ULK4: variants seen among roughly 807,000 people sequenced by gnomAD.
ULK4 encodes the protein unc-51 like kinase 4.
In ULK4, 133 loss-of-function variants were observed where a neutral mutation model predicts 160.6. The observed-to-expected ratio is 0.83, with a 90% CI of 0.72 to 0.96. ULK4 has a LOEUF of 0.96. ULK4 is among the 40% of genes least tolerant of loss of function. The pLI is 0.00. For missense variants in ULK4, 1,580 were observed against 1,499.5 expected (o/e 1.05, Z -0.89); for synonymous variants, 534 against 539.8 (o/e 0.99, Z 0.15).
chr3:41,441,644 G>A (rs1215114729), intron 34 of ULK4, among the ~76,000 whole-genome samples: 1 of 152,058 alleles, frequency 6.6e-6, no homozygotes, highest in Non-Finnish European at 1.5e-5. Context: ...AATGTTCAGT[G>A]TGCGCTTCCA....
intron 19 of ULK4, among the ~76,000 whole-genome samples, chr3:41,806,851 G>A (rs1043691273): frequency 7.9e-5 from 12 of 152,070 alleles, no homozygotes; most frequent in Admixed American, 3.3e-4. Flanking sequence ...TCTCAGGCCA[G>A]GAAAAAATAT....
intron 17 of ULK4, among the ~76,000 whole-genome samples, chr3:41,837,960 T>C (rs1485181230): frequency 6.6e-6 from 1 of 152,202 alleles, no homozygotes; most frequent in Non-Finnish European, 1.5e-5. Flanking sequence ...ATCATCTAGA[T>C]GAAGTGGGTG....
At chr3:41,906,211 C>T (rs1283296350) in intron 12 of ULK4, among the ~76,000 whole-genome samples, 1 of 11,614 alleles carries the variant, frequency 8.6e-5, no homozygotes, top group East Asian at 0.12. Context: ...AGCGAGACTC[C>T]GTCTCAAAAA....
At chr3:41,846,282 T>C (rs2042067300) in intron 17 of ULK4, among the ~76,000 whole-genome samples, 1 of 152,042 alleles carries the variant, frequency 6.6e-6, no homozygotes, top group South Asian at 2.1e-4. Flanking sequence ...AATATAAGAA[T>C]AAAGAACAAA....
chr3:41,284,362 C>T (rs968388557), intron 35 of ULK4, among the ~76,000 whole-genome samples: 7 of 152,094 alleles, frequency 4.6e-5, no homozygotes, highest in African/African-American at 1.7e-4. Context: ...AGGCCATAGT[C>T]ACCAAAACAG....
chr3:41,883,772 GAA>G (rs934949629), intron 17 of ULK4, 100 bp downstream of exon 17: 22 of 62,846 alleles, frequency 3.5e-4, no homozygotes, highest in African/African-American at 7.2e-4. Flanking sequence ...ATCCCACAGA[GAA>G]AAAACAAGTG....
intron 32 of ULK4, among the ~76,000 whole-genome samples, chr3:41,501,138 C>CAGTGTG (rs1392478446): frequency 2.0e-5 from 3 of 152,182 alleles, no homozygotes; most frequent in Admixed American, 2.0e-4. Flanking sequence ...AACTGGACTT[C>CAGTGTG]ACACACTGCT....
intron 35 of ULK4, among the ~76,000 whole-genome samples, chr3:41,293,446 C>G (rs1454803000): frequency 6.6e-6 from 1 of 152,086 alleles, no homozygotes; most frequent in Non-Finnish European, 1.5e-5. Context: ...AGTCACAGAC[C>G]TTGAGATATA....
intron 31 of ULK4, among the ~76,000 whole-genome samples, chr3:41,598,677 CCA>C (rs1033044732): frequency 3.9e-4 from 58 of 148,116 alleles, no homozygotes; most frequent in African/African-American, 1.5e-3. Flanking sequence ...ATATACACCC[CCA>C]CACACACACA....
chr3:41,266,554 G>A (rs1031897684), intron 35 of ULK4, among the ~76,000 whole-genome samples: 6 of 152,036 alleles, frequency 3.9e-5, no homozygotes, highest in Admixed American at 6.5e-5. Context: ...CTGCAAATAC[G>A]CTGGACTTTG....
chr3:41,710,384 T>G (rs2037050171), intron 25 of ULK4, among the ~76,000 whole-genome samples: 1 of 152,184 alleles, frequency 6.6e-6, no homozygotes, highest in African/African-American at 2.4e-5. Flanking sequence ...TTGGCTGATG[T>G]GAATTTTAAG....
At chr3:41,748,207 G>T (rs186961551) in intron 22 of ULK4, among the ~76,000 whole-genome samples, 2,252 of 127,200 alleles carry the variant, frequency 0.018, 16 homozygotes, top group African/African-American at 0.027. Flanking sequence ...ACCATATATA[G>T]AGAGAGAGGC....
At chr3:41,318,251 T>C (rs948160092) in intron 35 of ULK4, among the ~76,000 whole-genome samples, 12 of 151,798 alleles carry the variant, frequency 7.9e-5, no homozygotes, top group South Asian at 4.2e-4. Flanking sequence ...GTTAAGAAGA[T>C]TTTTTTTTAA....
intron 35 of ULK4, among the ~76,000 whole-genome samples, chr3:41,264,851 AAGTC>A (rs2079002484): frequency 6.6e-6 from 1 of 152,158 alleles, no homozygotes; most frequent in African/African-American, 2.4e-5. Context: ...CTGGAGGAAA[AAGTC>A]AGTCAGTTAT....
chr3:41,314,383 T>C (rs1160941476), intron 35 of ULK4, among the ~76,000 whole-genome samples: 1 of 152,138 alleles, frequency 6.6e-6, no homozygotes, highest in African/African-American at 2.4e-5. Flanking sequence ...TTTTGGAGTC[T>C]CCAATGTCTA....
intron 25 of ULK4, among the ~76,000 whole-genome samples, chr3:41,710,212 A>G (rs917078899): frequency 2.0e-5 from 3 of 152,052 alleles, no homozygotes; most frequent in African/African-American, 4.8e-5. Context: ...TCCCCTATTT[A>G]ATTTTTTAAA....
At chr3:41,316,600 CTG>C (rs2080147098) in intron 35 of ULK4, among the ~76,000 whole-genome samples, 1 of 152,258 alleles carries the variant, frequency 6.6e-6, no homozygotes, top group Non-Finnish European at 1.5e-5. Context: ...ACAACAGACA[CTG>C]TGTATTACTA....
rs1013228196 is a variant in ULK4 at position 41,310,988 on chromosome 3, G to A, written c.3679-61414C>T. ...AGCCTGGGCAACAGAGGGAGACCTC[G>A]TCTCAAAAAAAAATAATAATAATAA... On this transcript the variant is annotated intron_variant, in intron 35 of 36. Transcript: ENST00000301831. 2.1e-4 allele frequency among the ~76,000 whole-genome samples: 32 copies of A among 150,584 alleles called. No homozygotes were observed. In the South Asian group the frequency reaches 4.6e-3, roughly 22 times the overall value.
At chr3:41,435,419 C>A (rs2125850842) in intron 34 of ULK4, among the ~76,000 whole-genome samples, 1 of 152,194 alleles carries the variant, frequency 6.6e-6, no homozygotes, top group East Asian at 1.9e-4. Flanking sequence ...AGTTAATGAT[C>A]CAAAATAACT....
Sources: gnomAD v4.1 joint callset for allele counts (sites outside exome capture counted in the v4.1 genomes callset) on GRCh38, gnomAD v4.1.1 for gene constraint, MANE v1.5 for transcripts, NCBI Gene and HGNC (gene_info 2026-07-23, HGNC 2026-07-21) for gene names.